Variants in RANBP2 observed in about 807,000 individuals in gnomAD.
The protein encoded by RANBP2 is E3 SUMO-protein ligase RanBP2.
Under a neutral mutation model 303.6 loss-of-function variants are expected in RANBP2, and 57 were observed. The observed-to-expected ratio is 0.19, with a 90% confidence interval of 0.15 to 0.23. RANBP2 has a LOEUF of 0.23. Among genes scored for constraint, RANBP2 ranks in the 10% least tolerant of loss-of-function variants. The pLI is 1.00. For synonymous variants in RANBP2, 1,167 were observed against 1,301.5 expected, an observed-to-expected ratio of 0.90 and a Z score of 2.23; for missense variants, 3,138 against 3,780.8, an observed-to-expected ratio of 0.83 and a Z score of 4.46.
intron 20 of RANBP2, among the ~76,000 whole-genome samples, chr2:108,770,668 G>T (rs1359037314): frequency 6.6e-6 from 1 of 151,928 alleles, no homozygotes; most frequent in Non-Finnish European, 1.5e-5. Context: ...ATATTAAAAA[G>T]AATAAAAAGA....
At chr2:109,600,180 C>T in the RANBP2 span, among the ~76,000 whole-genome samples, 1 of 152,176 alleles carries the variant, frequency 6.6e-6, no homozygotes, top group Non-Finnish European at 1.5e-5. Flanking sequence ...CTGCAGCTCT[C>T]ACTGCTCAAT....
At chr2:108,817,317 G>A in the RANBP2 span, among the ~76,000 whole-genome samples, 3 of 150,868 alleles carry the variant, frequency 2.0e-5, no homozygotes, top group South Asian at 4.2e-4. Context: ...TTTTTGAGGC[G>A]GAGTTTTGCT....
At chr2:109,042,622 A>G in the RANBP2 span, among the ~76,000 whole-genome samples, 1 of 152,340 alleles carries the variant, frequency 6.6e-6, no homozygotes, top group African/African-American at 2.4e-5. Context: ...CCTGGGTCTT[A>G]GCCTTATAAT....
At chr2:109,298,310 G>GA in the RANBP2 span, among the ~76,000 whole-genome samples, 50,336 of 151,938 alleles carry the variant, frequency 0.33, 8,565 homozygotes, top group East Asian at 0.4. Flanking sequence ...GGCGGGAAGG[G>GA]AAGCGCATCT....
the RANBP2 span, among the ~76,000 whole-genome samples, chr2:109,059,011 C>T: frequency 1.3e-5 from 2 of 151,970 alleles, no homozygotes; most frequent in Admixed American, 6.5e-5. Flanking sequence ...AGATATGGGG[C>T]ATAGTGGCCA....
the RANBP2 span, among the ~76,000 whole-genome samples, chr2:109,510,276 G>T: frequency 4.6e-5 from 7 of 152,204 alleles, no homozygotes; most frequent in Admixed American, 3.9e-4. Flanking sequence ...GGCTCTCAAG[G>T]GGTGTTTAGA....
chr2:108,733,384 C>T (rs566934703), intron 4 of RANBP2, among the ~76,000 whole-genome samples: 66 of 149,844 alleles, frequency 4.4e-4, no homozygotes, highest in Admixed American at 8.8e-4. Flanking sequence ...CCACCCACTT[C>T]GGCCTCCCAA....
chr2:109,702,311 T>C, the RANBP2 span, among the ~76,000 whole-genome samples: 107 of 152,202 alleles, frequency 7.0e-4, no homozygotes, highest in African/African-American at 2.5e-3. Flanking sequence ...AAGCAGGAGA[T>C]CAGAAAGAGG....
the RANBP2 span, chr2:109,129,136 G>C: frequency 1.4e-5 from 5 of 370,146 alleles, no homozygotes; most frequent in East Asian, 2.7e-4. Flanking sequence ...CGGCCTCCCC[G>C]GGGACCTGGC....
chr2:109,258,777 G>A, the RANBP2 span, among the ~76,000 whole-genome samples: 1 of 152,226 alleles, frequency 6.6e-6, no homozygotes, highest in Non-Finnish European at 1.5e-5. Context: ...CACTGCTGTT[G>A]TCCTTCCTAA....
chr2:108,937,544 AGT>A, the RANBP2 span, among the ~76,000 whole-genome samples: 1,392 of 151,270 alleles, frequency 9.2e-3, 23 homozygotes, highest in African/African-American at 0.031. Context: ...TATGTGTGTG[AGT>A]GTGTGAATGT....
the RANBP2 span, among the ~76,000 whole-genome samples, chr2:109,416,921 AAAAG>A: frequency 6.6e-6 from 1 of 151,488 alleles, no homozygotes; most frequent in Non-Finnish European, 1.5e-5. Context: ...AAAAAAAAAA[AAAAG>A]AATTGTATGT....
the RANBP2 span, among the ~76,000 whole-genome samples, chr2:109,760,665 C>A: frequency 1.4e-5 from 2 of 140,710 alleles, no homozygotes; most frequent in African/African-American, 2.6e-5. Flanking sequence ...GCGGGCGGCC[C>A]GAGCTTCGGC....
the RANBP2 span, among the ~76,000 whole-genome samples, chr2:109,006,016 C>A: frequency 6.6e-6 from 1 of 152,096 alleles, no homozygotes; most frequent in Non-Finnish European, 1.5e-5. Context: ...GAGGTTCCTA[C>A]GGCCAGCCCG....
the RANBP2 span, among the ~76,000 whole-genome samples, chr2:108,799,053 C>CG: frequency 1.3e-4 from 20 of 151,472 alleles, no homozygotes; most frequent in African/African-American, 4.1e-4. Context: ...GTTTGTGGGG[C>CG]GGGGGGGTTG....
rs1308054033 is a variant in RANBP2, at chr2:108,766,345, G to A, written c.5806G>A (p.Val1936Met). ...TAGTGGCCAGAAGAATGGCCGTGGT[G>A]TGATTTTTGGCCAAACAAGTAGCAC... ...DISGQKNGRG[V>M]IFGQTSSTFT... The change falls in exon 20 of 29, where the codon GTG (valine) becomes ATG (methionine). Residue 1936 changes from valine to methionine, a missense_variant. Val to Met is a conservative substitution (Grantham distance 21, BLOSUM62 1). This residue lies in a region of RANBP2 where 348 missense variants were observed against 360.4 expected (regional missense o/e 0.97). Transcript: ENST00000283195. 2.5e-6 allele frequency: 4 copies of A among 1,611,996 alleles called. No homozygotes were observed. The highest frequency in any genetic ancestry group is 3.3e-5 in the Admixed American group (2 of 60,006).
chr2:108,727,940 A>G lies in RANBP2; in HGVS notation c.73-1192A>G, dbSNP rs1386789759. Among the ~76,000 whole-genome samples the G allele has an allele frequency of 2.0e-5, 3 of 152,096 alleles. No homozygotes were observed. The East Asian group carries it at 5.8e-4, about 29-fold the overall frequency. ...GCATTTTGGACTTTGGAGTTTATGT[A>G]ACCAAGGAGCCAGGCTGTGGACCTC... is the stretch of plus-strand genomic sequence containing the variant. On this transcript the variant is annotated intron_variant, in intron 1 of 28. Coordinates refer to ENST00000283195, the MANE Select transcript of RANBP2 (RefSeq NM_006267.5).
the RANBP2 span, among the ~76,000 whole-genome samples, chr2:109,247,961 C>T: frequency 6.6e-6 from 1 of 152,146 alleles, no homozygotes; most frequent in Admixed American, 6.5e-5. Context: ...GCTTTTTAAA[C>T]CTCCATCTGC....
chr2:108,968,146 G>A, the RANBP2 span, among the ~76,000 whole-genome samples: 14 of 152,098 alleles, frequency 9.2e-5, no homozygotes, highest in African/African-American at 2.7e-4. Context: ...GGAAGGCGCC[G>A]TCATTGTTCT....
Sources: allele counts gnomAD v4.1 joint callset (sites outside exome capture counted in the v4.1 genomes callset), GRCh38; gene constraint gnomAD v4.1.1; regional missense constraint gnomAD v4.1.1; transcripts MANE v1.5; gene names NCBI Gene and HGNC (gene_info 2026-07-23, HGNC 2026-07-21).